The following RGS7BP variants were observed in gnomAD, a reference collection of about 807,000 sequenced individuals.
RGS7BP encodes the protein regulator of G protein signaling 7 binding protein, also known as regulator of G protein signaling 7-binding protein.
In RGS7BP, 9 loss-of-function variants were observed where a neutral mutation model predicts 31.3. The observed-to-expected ratio is 0.29, with a 90% CI of 0.17 to 0.50. RGS7BP has a LOEUF of 0.50. Ranked by LOEUF, RGS7BP falls within the 20% of genes least tolerant of loss-of-function variation. RGS7BP has a pLI of 0.98. For synonymous variants in RGS7BP, 115 were observed against 120.1 expected, an observed-to-expected ratio of 0.96 and a Z score of 0.28; for missense variants, 274 against 322.0, an observed-to-expected ratio of 0.85 and a Z score of 1.14.
At chr5:64,528,214 C>T (rs1749280234) in intron 2 of RGS7BP, among the ~76,000 whole-genome samples, 1 of 152,084 alleles carries the variant, frequency 6.6e-6, no homozygotes, top group African/African-American at 2.4e-5. Flanking sequence ...GGCGGGGCTG[C>T]CCTCATTTCA....
At chr5:64,597,412 G>A (rs553910982) in intron 4 of RGS7BP, among the ~76,000 whole-genome samples, 1 of 151,936 alleles carries the variant, frequency 6.6e-6, no homozygotes, top group East Asian at 1.9e-4. Flanking sequence ...CCCAGGTGGG[G>A]TTGTTTTCCC....
chr5:64,549,488 C>G (rs1026595021), intron 2 of RGS7BP, among the ~76,000 whole-genome samples: 6 of 152,252 alleles, frequency 3.9e-5, no homozygotes, highest in African/African-American at 1.4e-4. Flanking sequence ...CACAGGCCAT[C>G]TGGCCTGTTG....
At chr5:64,599,604 G>T (rs1743168851) in intron 5 of RGS7BP, among the ~76,000 whole-genome samples, 1 of 152,244 alleles carries the variant, frequency 6.6e-6, no homozygotes. Context: ...CCCTGAAGGG[G>T]CCTGGTCACA....
At chr5:64,516,456 G>A (rs1454334767) in intron 2 of RGS7BP, among the ~76,000 whole-genome samples, 1 of 152,044 alleles carries the variant, frequency 6.6e-6, no homozygotes, top group African/African-American at 2.4e-5. Flanking sequence ...GTCCTAATCG[G>A]TCTCCTTGAG....
At chr5:64,608,951 A>G (rs986443712) in intron 5 of RGS7BP, among the ~76,000 whole-genome samples, 1 of 152,022 alleles carries the variant, frequency 6.6e-6, no homozygotes, top group African/African-American at 2.4e-5. Flanking sequence ...ATACAGTGCT[A>G]CTGGCATCTG....
chr5:64,566,703 C>T (rs548802005), intron 2 of RGS7BP, among the ~76,000 whole-genome samples: 1 of 152,016 alleles, frequency 6.6e-6, no homozygotes, highest in African/African-American at 2.4e-5. Context: ...AAATTCCCTA[C>T]TCAAGATAGC....
At chr5:64,595,764 AT>A (rs550888636) in intron 4 of RGS7BP, among the ~76,000 whole-genome samples, 6 of 151,446 alleles carry the variant, frequency 4.0e-5, no homozygotes, top group African/African-American at 7.3e-5. Context: ...TGAACATTTT[AT>A]TTTTTTTTAT....
At chr5:64,533,072 G>A (rs1348924143) in intron 2 of RGS7BP, among the ~76,000 whole-genome samples, 1 of 152,162 alleles carries the variant, frequency 6.6e-6, no homozygotes, top group Non-Finnish European at 1.5e-5. Flanking sequence ...GCTTCTGGAT[G>A]CCACCCCTGA....
intron 2 of RGS7BP, among the ~76,000 whole-genome samples, chr5:64,568,318 G>T (rs1456363549): frequency 6.6e-6 from 1 of 151,966 alleles, no homozygotes; most frequent in Admixed American, 6.6e-5. Context: ...GACCTAAAGA[G>T]CTGTTTGCCC....
chr5:64,570,263 G>A (rs1287100061), intron 2 of RGS7BP, among the ~76,000 whole-genome samples: 1 of 152,024 alleles, frequency 6.6e-6, no homozygotes, highest in Admixed American at 6.6e-5. Flanking sequence ...ACCATCCTTT[G>A]CCTTTTATAC....
chr5:64,523,905 CA>C (rs1484464382), intron 2 of RGS7BP, among the ~76,000 whole-genome samples: 2 of 152,170 alleles, frequency 1.3e-5, no homozygotes, highest in Non-Finnish European at 2.9e-5. Context: ...TCTCTTGCAT[CA>C]AACAGGAACC....
intron 2 of RGS7BP, among the ~76,000 whole-genome samples, chr5:64,570,943 G>GT (rs937660520): frequency 1.3e-5 from 2 of 151,556 alleles, no homozygotes; most frequent in African/African-American, 2.4e-5. Context: ...TTGCTTTTGG[G>GT]TTTTTTTTAA....
chr5:64,520,917 A>T (rs1749091651), intron 2 of RGS7BP, among the ~76,000 whole-genome samples: 1 of 152,270 alleles, frequency 6.6e-6, no homozygotes, highest in Non-Finnish European at 1.5e-5. Flanking sequence ...AAGAAGTCAT[A>T]GGAAATGAGA....
chr5:64,523,503 T>C (rs1240698237), intron 2 of RGS7BP, among the ~76,000 whole-genome samples: 1 of 152,238 alleles, frequency 6.6e-6, no homozygotes, highest in East Asian at 1.9e-4. Context: ...TTGTTCAGAA[T>C]ATTTGTAGAT....
At chr5:64,542,388 G>A (rs952661557) in intron 2 of RGS7BP, among the ~76,000 whole-genome samples, 1 of 152,110 alleles carries the variant, frequency 6.6e-6, no homozygotes, top group Non-Finnish European at 1.5e-5. Context: ...TTTTGGTTTG[G>A]GGGTTCCCAG....
At position 64,539,117 on chromosome 5, in the gene RGS7BP, CTAA is replaced by C. The variant is rs1580410472; in HGVS notation, c.332+31242_332+31244del. 2.0e-5 allele frequency among the ~76,000 whole-genome samples: 3 copies of C among 152,234 alleles called. No homozygotes were observed. In the East Asian group the frequency reaches 5.8e-4, roughly 29 times the overall value. On this transcript the variant is annotated intron_variant, in intron 2 of 5. Transcript: ENST00000334025. ...TCTTGTGTTTTTAATTTGCGTTCCCCTAATGACTCGAGATGTGAAGAATCTGCT... is the reference window on the plus strand; with the variant it reads ...TCTTGTGTTTTTAATTTGCGTTCCCCTGACTCGAGATGTGAAGAATCTGCT...
intron 2 of RGS7BP, among the ~76,000 whole-genome samples, chr5:64,559,061 T>G (rs1428140984): frequency 6.6e-6 from 1 of 152,186 alleles, no homozygotes; most frequent in Non-Finnish European, 1.5e-5. Context: ...TGCCCTGACC[T>G]TCTGCCTTGT....
intron 3 of RGS7BP, among the ~76,000 whole-genome samples, chr5:64,581,913 A>C (rs1450647371): frequency 2.6e-5 from 4 of 152,226 alleles, no homozygotes; most frequent in African/African-American, 9.6e-5. Flanking sequence ...ACATGAAAGT[A>C]AAGTACAGTA....
intron 2 of RGS7BP, among the ~76,000 whole-genome samples, chr5:64,570,397 C>A (rs1742276174): frequency 2.0e-5 from 3 of 152,076 alleles, no homozygotes; most frequent in African/African-American, 7.2e-5. Flanking sequence ...CCTAAGATTG[C>A]AATTCTAAGG....
Sources: allele counts gnomAD v4.1 joint callset (sites outside exome capture counted in the v4.1 genomes callset), GRCh38; gene constraint gnomAD v4.1.1; transcripts MANE v1.5; gene names NCBI Gene and HGNC (gene_info 2026-07-23, HGNC 2026-07-21).